Variants in DRC11 observed in about 807,000 individuals in gnomAD.
DRC11 encodes the protein IQ and AAA domain-containing protein 1.
At chr2:236,421,658 T>C in the DRC11 span, among the ~76,000 whole-genome samples, 1 of 152,196 alleles carries the variant, frequency 6.6e-6, no homozygotes, top group Admixed American at 6.5e-5. Context: ...CCATTCCTTC[T>C]GAAACTATTC....
the DRC11 span, among the ~76,000 whole-genome samples, chr2:236,434,506 T>C: frequency 2.6e-5 from 4 of 152,136 alleles, no homozygotes; most frequent in South Asian, 2.1e-4. This position sits in a 1 kb window ranked among gnomAD's most constrained non-coding sequence, Gnocchi z 5.5. Flanking sequence ...TGCAGGGAGG[T>C]AGACGTTGCT....
At chr2:236,494,903 G>A in the DRC11 span, among the ~76,000 whole-genome samples, 1 of 152,132 alleles carries the variant, frequency 6.6e-6, no homozygotes, top group Admixed American at 6.5e-5. This position sits in a 1 kb window ranked among gnomAD's most constrained non-coding sequence, Gnocchi z 4.2. Context: ...GGCCTGAGGA[G>A]AGAGGGCAGT....
chr2:236,365,130 G>C, the DRC11 span, among the ~76,000 whole-genome samples: 1 of 152,120 alleles, frequency 6.6e-6, no homozygotes, highest in African/African-American at 2.4e-5. The surrounding 1 kb of genome is among the most constrained non-coding windows in gnomAD (Gnocchi z 7.4). Context: ...CTGGGAGCTA[G>C]TGTGGGGGTC....
the DRC11 span, chr2:236,332,559 C>A: frequency 6.6e-6 from 1 of 152,142 alleles, no homozygotes; most frequent in East Asian, 1.9e-4. This position sits in a 1 kb window ranked among gnomAD's most constrained non-coding sequence, Gnocchi z 5.1. Flanking sequence ...ACACTTGAAA[C>A]CATTTTTTAA....
the DRC11 span, chr2:236,324,750 GT>G: frequency 1.2e-6 from 2 of 1,605,876 alleles, no homozygotes; most frequent in Admixed American, 1.7e-5. This position sits in a 1 kb window ranked among gnomAD's most constrained non-coding sequence, Gnocchi z 5.7. Context: ...GCCAAGGCAC[GT>G]TTTTTACCCA....
chr2:236,478,094 G>C, the DRC11 span, among the ~76,000 whole-genome samples: 1 of 150,438 alleles, frequency 6.6e-6, no homozygotes, highest in African/African-American at 2.5e-5. The surrounding 1 kb of genome is among the most constrained non-coding windows in gnomAD (Gnocchi z 5.9). Context: ...ACTAATTTTG[G>C]GTTTGATTTC....
chr2:236,356,611 A>G, the DRC11 span, among the ~76,000 whole-genome samples: 1 of 152,062 alleles, frequency 6.6e-6, no homozygotes, highest in South Asian at 2.1e-4. Context: ...CATCTGTAAA[A>G]TGGGCACGTT....
chr2:236,459,546 C>CGTATAT, the DRC11 span, among the ~76,000 whole-genome samples: 4 of 118,154 alleles, frequency 3.4e-5, no homozygotes, highest in African/African-American at 1.0e-4. Context: ...TATACGTATA[C>CGTATAT]GTATACATGT....
At chr2:236,450,314 C>CTTTTTTTTTTT in the DRC11 span, among the ~76,000 whole-genome samples, 82 of 82,374 alleles carry the variant, frequency 1.0e-3, no homozygotes, top group Non-Finnish European at 1.4e-3. Flanking sequence ...CTTTTCTTTT[C>CTTTTTTTTTTT]TTTTTTTTTT....
At chr2:236,352,205 C>A in the DRC11 span, among the ~76,000 whole-genome samples, 1 of 151,784 alleles carries the variant, frequency 6.6e-6, no homozygotes, top group African/African-American at 2.4e-5. This position sits in a 1 kb window ranked among gnomAD's most constrained non-coding sequence, Gnocchi z 7.0. Flanking sequence ...AGGAGGGGGG[C>A]GGCCAGCGGT....
chr2:236,353,319 G>A, the DRC11 span, among the ~76,000 whole-genome samples: 8 of 152,152 alleles, frequency 5.3e-5, no homozygotes, highest in East Asian at 1.9e-4. This position sits in a 1 kb window ranked among gnomAD's most constrained non-coding sequence, Gnocchi z 5.0. Context: ...AATTTCCACC[G>A]TGTGCCTTTT....
chr2:236,408,395 C>A, the DRC11 span: 1 of 744,672 alleles, frequency 1.3e-6, no homozygotes, highest in Non-Finnish European at 2.5e-6. This position sits in a 1 kb window ranked among gnomAD's most constrained non-coding sequence, Gnocchi z 5.5. Context: ...CCTTTGTAGT[C>A]TTTGCCCTTG....
the DRC11 span, among the ~76,000 whole-genome samples, chr2:236,492,038 C>T: frequency 6.6e-6 from 1 of 152,320 alleles, no homozygotes; most frequent in Admixed American, 6.5e-5. Flanking sequence ...ACTTCTTGCT[C>T]TCTTACTATG....
the DRC11 span, among the ~76,000 whole-genome samples, chr2:236,421,725 C>T: frequency 3.3e-5 from 5 of 152,318 alleles, no homozygotes; most frequent in Non-Finnish European, 5.9e-5. Flanking sequence ...CCAGCGTTAT[C>T]TTGATACCAA....
the DRC11 span, among the ~76,000 whole-genome samples, chr2:236,482,864 A>C: frequency 6.6e-6 from 1 of 152,232 alleles, no homozygotes; most frequent in Admixed American, 6.5e-5. This position sits in a 1 kb window ranked among gnomAD's most constrained non-coding sequence, Gnocchi z 4.5. Flanking sequence ...GTGCGAGTGA[A>C]CTTTTTAAAA....
At chr2:236,395,119 G>C in the DRC11 span, among the ~76,000 whole-genome samples, 1 of 152,206 alleles carries the variant, frequency 6.6e-6, no homozygotes, top group Admixed American at 6.5e-5. Context: ...CAGGGATTGG[G>C]GGCACAGCGC....
chr2:236,368,218 T>C, the DRC11 span: 2 of 1,610,018 alleles, frequency 1.2e-6, no homozygotes, highest in African/African-American at 1.3e-5. Context: ...CCGTACAATG[T>C]GATGAGCTGT....
the DRC11 span, among the ~76,000 whole-genome samples, chr2:236,351,376 C>T: frequency 2.5e-4 from 38 of 152,206 alleles, no homozygotes; most frequent in South Asian, 2.7e-3. This position sits in a 1 kb window ranked among gnomAD's most constrained non-coding sequence, Gnocchi z 7.3. Context: ...ACAGGTCTTC[C>T]GAGATCTCCA....
chr2:236,444,459 C>T, the DRC11 span, among the ~76,000 whole-genome samples: 15 of 152,202 alleles, frequency 9.9e-5, no homozygotes, highest in African/African-American at 2.9e-4. Context: ...AGCAGTTTGG[C>T]TTTTGGATTC....
Sources: gnomAD v4.1 joint callset for allele counts (sites outside exome capture counted in the v4.1 genomes callset) on GRCh38, gnomAD v4.1.1 for gene constraint, Gnocchi (gnomAD v3.1) non-coding constraint, MANE v1.5 for transcripts, NCBI Gene and HGNC (gene_info 2026-07-23, HGNC 2026-07-21) for gene names.